The following OPRK1 variants were observed in gnomAD, a reference collection of about 807,000 sequenced individuals.
The protein encoded by OPRK1 is opioid receptor kappa 1, also known as kappa-type opioid receptor.
OPRK1 carries 15 observed loss-of-function variants against 24.5 expected under a neutral mutation model. The observed-to-expected ratio is 0.61, with a 90% confidence interval of 0.41 to 0.94. OPRK1 has a LOEUF of 0.94. Ranked by LOEUF, OPRK1 falls within the 40% of genes least tolerant of loss-of-function variation. The pLI is 0.00. For synonymous variants in OPRK1, 205 were observed against 198.0 expected, an observed-to-expected ratio of 1.04 and a Z score of -0.30; for missense variants, 479 against 507.3, an observed-to-expected ratio of 0.94 and a Z score of 0.54.
At chr8:53,238,374 G>T in intron 2 of OPRK1, 1 of 231,064 alleles carries the variant, frequency 4.3e-6, no homozygotes, top group Non-Finnish European at 7.1e-6. Context: ...CTGCACTTTT[G>T]AGCATACACA....
chr8:53,229,895 G>A, intron 3 of OPRK1, 66 bp from the exon 4 acceptor site: 1 of 1,421,908 alleles, frequency 7.0e-7, no homozygotes, highest in Non-Finnish European at 9.4e-7. Context: ...GCTGCAAAGT[G>A]TTTTAAATAT....
chr8:53,242,911 A>T, intron 2 of OPRK1: 1 of 1,288,218 alleles, frequency 7.8e-7, no homozygotes, highest in Non-Finnish European at 1.0e-6. Flanking sequence ...TGAAATTCCA[A>T]CCTGTTTGGC....
At position 53,229,200 on chromosome 8, in the gene OPRK1, T is replaced by A; in HGVS notation, c.*97A>T. ...CTCTAAAAGTTTATTTTAAATTCTA[T>A]CTTTTCATGTCAGACTGCAGTAGTG... is the stretch of plus-strand genomic sequence containing the variant. On this transcript the variant is annotated 3_prime_UTR_variant, in exon 4 of 4. Transcript: ENST00000265572. 1 of 1,381,906 alleles carries A rather than the reference T, an allele frequency of 7.2e-7. No homozygotes were observed. Among genetic ancestry groups the A allele is most frequent in the East Asian group, 2.3e-5 (1 of 43,376 alleles). 85.6% of individuals were successfully genotyped at this position (1,381,906 alleles called of 1,614,324 possible). A position where few individuals can be genotyped will look rare whatever the true frequency, so the allele number is the denominator to read the frequency against.
At chr8:53,243,717 T>C (rs7843965) in intron 2 of OPRK1, among the ~76,000 whole-genome samples, 15,210 of 152,278 alleles carry the variant, frequency 0.1, 834 homozygotes, top group South Asian at 0.18. Flanking sequence ...AAATGAAAGA[T>C]AGTCTCTTGA....
chr8:53,241,943 T>A (rs944993868), intron 2 of OPRK1, among the ~76,000 whole-genome samples: 1 of 152,198 alleles, frequency 6.6e-6, no homozygotes, highest in African/African-American at 2.4e-5. Context: ...TGTGGAATCA[T>A]GCGCCTCTGG....
At chr8:53,250,310 A>C (rs528248878) in intron 2 of OPRK1, among the ~76,000 whole-genome samples, 4 of 152,212 alleles carry the variant, frequency 2.6e-5, no homozygotes, top group Non-Finnish European at 4.4e-5. Flanking sequence ...CAGTCTGAGG[A>C]GTCCCAGGAA....
intron 2 of OPRK1, among the ~76,000 whole-genome samples, chr8:53,240,567 G>T (rs1807091107): frequency 1.3e-5 from 2 of 152,094 alleles, no homozygotes; most frequent in African/African-American, 4.8e-5. Context: ...TGGAAGATGA[G>T]CATGGTCAGA....
rs1338614935 is a variant in OPRK1 at position 53,251,105 on chromosome 8, G to T, written c.-48-20C>A. On this transcript the variant is annotated intron_variant, in intron 1 of 3. Coordinates refer to ENST00000265572, the MANE Select transcript of OPRK1 (RefSeq NM_000912.5). ...GCGGCGCTGCGGGAGCGAAAGAACC[G>T]GCTGGACGCGGAGAGGCAAACTTTG... is the stretch of plus-strand genomic sequence containing the variant. 11 of 1,419,026 alleles carry T rather than the reference G, an allele frequency of 7.8e-6. No homozygotes were observed. In the African/African-American group the frequency reaches 1.3e-4, roughly 17 times the overall value. 87.9% of individuals were successfully genotyped at this position (1,419,026 alleles called of 1,614,324 possible).
rs10094852 is a variant in OPRK1, at chr8:53,227,114, C to T, written c.*2183G>A. 0.18 allele frequency: 27,078 copies of T among 152,200 alleles called. 3,301 individuals are homozygous for T. Among genetic ancestry groups the T allele is most frequent in the African/African-American group, 0.34 (14,078 of 41,452 alleles). The allele number at this position is 152,200 out of a possible 1,614,324, so 9.4% of individuals were successfully genotyped here. A position where few individuals can be genotyped will look rare whatever the true frequency, so the allele number is the denominator to read the frequency against. On this transcript the variant is annotated 3_prime_UTR_variant, in exon 4 of 4. Coordinates refer to ENST00000265572, the MANE Select transcript of OPRK1 (RefSeq NM_000912.5). ...CTCTACTAAAAATACAAAAATTAGCCGGGCTTGGCGGTGCACGCCTGTAAT... is the reference window on the plus strand; with the variant it reads ...CTCTACTAAAAATACAAAAATTAGCTGGGCTTGGCGGTGCACGCCTGTAAT...
chr8:53,232,033 A>C (rs1322354921), intron 3 of OPRK1, among the ~76,000 whole-genome samples: 1 of 152,226 alleles, frequency 6.6e-6, no homozygotes, highest in Non-Finnish European at 1.5e-5. Flanking sequence ...ATCCTCCAGA[A>C]ATGTCAATGA....
chr8:53,234,925 G>T lies in OPRK1; in HGVS notation c.444C>A (p.Thr148=). 6.2e-7 allele frequency: 1 copy of T among 1,614,150 alleles called. No homozygotes were observed. Among genetic ancestry groups the T allele is most frequent in the South Asian group, 1.1e-5 (1 of 91,078 alleles). ...AGCGGTCCACGCTCATCATGGTCAA[G>T]GTGAAGATGCTGGTGAACATGTTGT... The part of the protein sequence containing the change: ...DYYNMFTSIF[T]LTMMSVDRYI... The change falls in exon 3 of 4, where the codon ACC becomes ACA. Residue 148 remains threonine (T), a synonymous_variant. Transcript: ENST00000265572.
At chr8:53,247,842 A>G (rs1807269673) in intron 2 of OPRK1, among the ~76,000 whole-genome samples, 1 of 151,850 alleles carries the variant, frequency 6.6e-6, no homozygotes, top group South Asian at 2.1e-4. Context: ...CCAAAAATAC[A>G]AAAATTAGCA....
chr8:53,233,841 G>A (rs1194718862), intron 3 of OPRK1, among the ~76,000 whole-genome samples: 1 of 152,064 alleles, frequency 6.6e-6, no homozygotes, highest in Non-Finnish European at 1.5e-5. Flanking sequence ...GTTTTCTAAA[G>A]TACCCAGGTG....
intron 3 of OPRK1, among the ~76,000 whole-genome samples, chr8:53,233,225 G>A (rs1585629464): frequency 1.3e-5 from 2 of 152,276 alleles, no homozygotes; most frequent in Non-Finnish European, 1.5e-5. Context: ...CCCGGAGAGT[G>A]AGCCCTCCTG....
chr8:53,229,152 C>G lies in OPRK1; in HGVS notation c.*145G>C. On this transcript the variant is annotated 3_prime_UTR_variant, in exon 4 of 4. Transcript: ENST00000265572. Reference sequence around the variant, plus strand: ...CACTGATCACGAACGTGGTCTGCATCTGATGACTTCAGACCATGAGATCTC... The same window carrying G: ...CACTGATCACGAACGTGGTCTGCATGTGATGACTTCAGACCATGAGATCTC... 1 of 969,296 alleles carries G rather than the reference C, an allele frequency of 1.0e-6. No homozygotes were observed. The highest frequency in any genetic ancestry group is 2.6e-5 in the East Asian group (1 of 37,952). The allele number at this position is 969,296 out of a possible 1,614,324, so 60.0% of individuals were successfully genotyped here. A position where few individuals can be genotyped will look rare whatever the true frequency, so the allele number is the denominator to read the frequency against.
intron 2 of OPRK1, among the ~76,000 whole-genome samples, chr8:53,241,242 C>T (rs1206321017): frequency 2.0e-5 from 3 of 152,258 alleles, no homozygotes; most frequent in Non-Finnish European, 2.9e-5. Context: ...ACCGTGCTGA[C>T]GTGACTTTTC....
Position 53,250,935 on chromosome 8 carries a change from C to A in OPRK1, c.103G>T (p.Glu35Ter). 6.2e-7 allele frequency: 1 copy of A among 1,610,948 alleles called. No homozygotes were observed. Among genetic ancestry groups the A allele is most frequent in the Non-Finnish European group, 8.5e-7 (1 of 1,178,610 alleles). The change falls in exon 2 of 4, where the codon GAG becomes TAG. Residue 35 changes from glutamate to a stop codon, truncating the protein, a stop_gained. Transcript: ENST00000265572. LOFTEE classifies it high-confidence loss of function. ...NSSAWFPGWA[E>*]PDSNGSAGSE... ...CCGGCGCTGCCGTTGCTGTCGGGCT[C>A]GGCCCAGCCGGGAAACCAGGCGCTG...
intron 2 of OPRK1, among the ~76,000 whole-genome samples, chr8:53,241,399 T>G (rs1350198267): frequency 6.6e-6 from 1 of 151,998 alleles, no homozygotes; most frequent in Non-Finnish European, 1.5e-5. Context: ...GGCAGTAGTT[T>G]ATTAATTCTA....
At chr8:53,246,797 G>A (rs1192037472) in intron 2 of OPRK1, among the ~76,000 whole-genome samples, 1 of 152,124 alleles carries the variant, frequency 6.6e-6, no homozygotes, top group African/African-American at 2.4e-5. Context: ...ATATGATAAA[G>A]AGAGTAAAGA....
Sources: allele counts gnomAD v4.1 joint callset (sites outside exome capture counted in the v4.1 genomes callset), GRCh38; gene constraint gnomAD v4.1.1; transcripts MANE v1.5; gene names NCBI Gene and HGNC (gene_info 2026-07-23, HGNC 2026-07-21).